Variants in ASTN2 observed in about 807,000 individuals in gnomAD.
ASTN2 encodes astrotactin 2.
In ASTN2, 54 loss-of-function variants were observed where a neutral mutation model predicts 139.8. That is an observed-to-expected ratio of 0.39 (90% CI 0.31 to 0.48). ASTN2 has a LOEUF of 0.48. ASTN2 is among the 20% of genes least tolerant of loss of function. The pLI is 0.95. For synonymous variants in ASTN2, 756 were observed against 719.5 expected, an observed-to-expected ratio of 1.05 and a Z score of -0.81; for missense variants, 1,565 against 1,725.1, an observed-to-expected ratio of 0.91 and a Z score of 1.64.
Position 116,729,085 on chromosome 9 carries a change from A to T in ASTN2, c.2533T>A (p.Tyr845Asn). 2 of 1,587,562 alleles carry T rather than the reference A, an allele frequency of 1.3e-6. No homozygotes were observed. The highest frequency in any genetic ancestry group is 1.7e-6 in the Non-Finnish European group (2 of 1,165,822). The change falls in exon 15 of 23, where the codon TAT becomes AAT. Residue 845 changes from tyrosine to asparagine, a missense_variant. Tyr to Asn is a moderately radical substitution (Grantham distance 143). Around this residue, in one of 4 missense-constraint regions of ASTN2, gnomAD observed 503 missense variants for 591.7 expected, o/e 0.85. Transcript: ENST00000313400. ...ATGGGGTAACCCATGGCCTCATCAT[A>T]CCTGATATCTCCTGGGAGAGAAAAT... is the stretch of plus-strand genomic sequence containing the variant. ...DLQLLTGDIR[Y>N]DEAMGYPMVQ...
At chr9:116,684,352 G>A (rs1341959228) in intron 16 of ASTN2, among the ~76,000 whole-genome samples, 1 of 152,172 alleles carries the variant, frequency 6.6e-6, no homozygotes, top group African/African-American at 2.4e-5. Flanking sequence ...TAAAAATGGG[G>A]TCTGGAGAGA....
At chr9:116,541,362 A>G (rs753891227) in intron 19 of ASTN2, among the ~76,000 whole-genome samples, 35 of 152,224 alleles carry the variant, frequency 2.3e-4, no homozygotes, top group Non-Finnish European at 2.1e-4. Context: ...GATGGACAAT[A>G]CAGAGAGTGA....
intron 16 of ASTN2, among the ~76,000 whole-genome samples, chr9:116,708,472 C>A (rs1327066087): frequency 1.3e-5 from 2 of 152,196 alleles, no homozygotes; most frequent in Non-Finnish European, 2.9e-5. Context: ...ACAGCCAGGT[C>A]TTCACACAGC....
At chr9:116,919,444 A>T (rs921738451) in intron 10 of ASTN2, among the ~76,000 whole-genome samples, 11 of 152,146 alleles carry the variant, frequency 7.2e-5, no homozygotes, top group African/African-American at 2.4e-4. Context: ...TTTCCTTGGG[A>T]ACACACTGTG....
intron 19 of ASTN2, among the ~76,000 whole-genome samples, chr9:116,542,571 A>C (rs144678651): frequency 7.0e-4 from 107 of 152,338 alleles, no homozygotes; most frequent in African/African-American, 2.4e-3. Context: ...AAAATAGATT[A>C]CATTTTGGAG....
intron 16 of ASTN2, among the ~76,000 whole-genome samples, chr9:116,715,393 C>T (rs1277992510): frequency 2.6e-5 from 4 of 152,146 alleles, no homozygotes; most frequent in East Asian, 3.9e-4. Context: ...CAAGAGACTT[C>T]GCCATTCCTA....
At chr9:116,776,961 T>A (rs1279629829) in intron 13 of ASTN2, among the ~76,000 whole-genome samples, 2 of 152,084 alleles carry the variant, frequency 1.3e-5, no homozygotes, top group African/African-American at 4.8e-5. Context: ...AATTACAAAA[T>A]TAGTGGATGA....
At chr9:116,468,401 T>C (rs1248963484) in intron 20 of ASTN2, among the ~76,000 whole-genome samples, 1 of 152,192 alleles carries the variant, frequency 6.6e-6, no homozygotes, top group Non-Finnish European at 1.5e-5. Context: ...CTACTCTACC[T>C]TGGGCCCACC....
chr9:116,855,958 A>G (rs535882372), intron 11 of ASTN2, among the ~76,000 whole-genome samples: 1 of 152,258 alleles, frequency 6.6e-6, no homozygotes, highest in African/African-American at 2.4e-5. Context: ...CTTTAATAAT[A>G]TTAGGCCTAG....
Position 116,699,168 on chromosome 9 carries a change from A to C in ASTN2, c.2806+26603T>G. ...CCAGCTGAGCAAACCATGGGGTATC[A>C]CAGCCTTGCCATCTGGCCAGTTTGT... On this transcript the variant is annotated intron_variant, in intron 16 of 22. Transcript: ENST00000313400. The surrounding 1 kb of genome is among the most constrained non-coding windows in gnomAD (Gnocchi z 4.2). 1 of 1,614,264 alleles carries C rather than the reference A, an allele frequency of 6.2e-7. No individual in the cohort carries two copies. The highest frequency in any genetic ancestry group is 8.5e-7 in the Non-Finnish European group (1 of 1,180,048).
intron 13 of ASTN2, among the ~76,000 whole-genome samples, chr9:116,779,515 T>G (rs910906244): frequency 6.7e-6 from 1 of 149,722 alleles, no homozygotes; most frequent in African/African-American, 2.5e-5. Flanking sequence ...TTTTTTTTTA[T>G]AGCAACACAG....
chr9:117,237,981 C>T (rs1362212610), intron 2 of ASTN2, among the ~76,000 whole-genome samples: 1 of 152,152 alleles, frequency 6.6e-6, no homozygotes, highest in African/African-American at 2.4e-5. Flanking sequence ...TTGTCTTTCC[C>T]AAGGAGGCTG....
At chr9:116,958,061 T>A (rs546041229) in intron 10 of ASTN2, among the ~76,000 whole-genome samples, 2 of 152,314 alleles carry the variant, frequency 1.3e-5, no homozygotes, top group Admixed American at 6.5e-5. Context: ...AAGCATGTGA[T>A]GTTGATTTGT....
intron 6 of ASTN2, among the ~76,000 whole-genome samples, chr9:117,022,291 A>G (rs1054485672): frequency 5.9e-5 from 9 of 152,176 alleles, no homozygotes; most frequent in African/African-American, 1.9e-4. Flanking sequence ...TTCAGCCAGC[A>G]AGACTCAGAG....
chr9:117,075,230 G>T (rs942756279), intron 5 of ASTN2, among the ~76,000 whole-genome samples: 4 of 152,168 alleles, frequency 2.6e-5, no homozygotes, highest in African/African-American at 7.2e-5. Context: ...ATCTCCCAAA[G>T]GAGTCCAGGA....
intron 7 of ASTN2, among the ~76,000 whole-genome samples, chr9:116,993,870 A>T (rs1265575623): frequency 5.7e-5 from 8 of 141,240 alleles, no homozygotes; most frequent in African/African-American, 2.1e-4. Flanking sequence ...ATATATATAT[A>T]TATATATTTT....
At chr9:117,375,753 A>G (rs1830105930) in intron 1 of ASTN2, among the ~76,000 whole-genome samples, 2 of 152,192 alleles carry the variant, frequency 1.3e-5, no homozygotes, top group African/African-American at 4.8e-5. Flanking sequence ...GTGGCATAAA[A>G]CAGTGCAAAC....
Position 116,833,712 on chromosome 9 carries a change from C to CTAAG in ASTN2, c.2041-12933_2041-12930dup, listed in dbSNP as rs1277443650. Among the ~76,000 whole-genome samples, 11 of 152,150 alleles carry CTAAG rather than the reference C, an allele frequency of 7.2e-5. No individual in the cohort carries two copies. In the East Asian group the frequency reaches 2.1e-3, roughly 29 times the overall value. ...TATTCAGAAATATGTTGTTTACTTT[C>CTAAG]TAAGTATTTGAAGATTTTTCTGTTA... On this transcript the variant is annotated intron_variant, in intron 11 of 22. Coordinates refer to ENST00000313400, the MANE Select transcript of ASTN2 (RefSeq NM_001365068.1).
At chr9:116,446,274 G>GAGAGAT (rs1554765199) in intron 20 of ASTN2, among the ~76,000 whole-genome samples, 3 of 21,426 alleles carry the variant, frequency 1.4e-4, no homozygotes, top group African/African-American at 4.9e-4. Context: ...GAGAGAGATA[G>GAGAGAT]AGAGAGAGAG....
Sources: gnomAD v4.1 joint callset for allele counts (sites outside exome capture counted in the v4.1 genomes callset) on GRCh38, gnomAD v4.1.1 for gene constraint, gnomAD v4.1.1 regional missense constraint, Gnocchi (gnomAD v3.1) non-coding constraint, MANE v1.5 for transcripts, NCBI Gene and HGNC (gene_info 2026-07-23, HGNC 2026-07-21) for gene names.